Variants in TULP1 observed in about 807,000 individuals in gnomAD.
TULP1 encodes TUB like protein 1.
Under a neutral mutation model 67.1 loss-of-function variants are expected in TULP1, and 50 were observed. That is an observed-to-expected ratio of 0.75 (90% confidence interval 0.59 to 0.94). The LOEUF (loss-of-function observed/expected upper bound fraction) is 0.94, where lower values mean the gene tolerates loss of function less well. TULP1 is among the 40% of genes least tolerant of loss of function. TULP1 has a pLI of 0.00. For missense variants in TULP1, 746 were observed against 734.1 expected (o/e 1.02, Z -0.19); for synonymous variants, 297 against 294.0 (o/e 1.01, Z -0.11).
chr6:35,504,027 G>C, intron 11 of TULP1, 179 bp from the exon 12 acceptor site: 1 of 581,024 alleles, frequency 1.7e-6, no homozygotes, highest in South Asian at 2.0e-5. Flanking sequence ...TTTAAATGCT[G>C]GCCCAACCCA....
Position 35,509,331 on chromosome 6 carries a change from A to T in TULP1, c.719-19T>A, listed in dbSNP as rs281865170. 1.2e-6 allele frequency: 2 copies of T among 1,612,246 alleles called. No individual in the cohort carries two copies. Among genetic ancestry groups the T allele is most frequent in the South Asian group, 1.1e-5 (1 of 91,032 alleles). On this transcript the variant is annotated intron_variant, in intron 7 of 14. Coordinates refer to ENST00000229771, the MANE Select transcript of TULP1 (RefSeq NM_003322.6). ...GGAGTGCCTGAGCGTGGAGGGGGAA[A>T]CAAGGCTGTGAACTCCTCACCCTGG...
chr6:35,509,274 C>T lies in TULP1; in HGVS notation c.757G>A (p.Glu253Lys). The T allele has an allele frequency of 6.2e-7, 1 of 1,614,046 alleles. No individual in the cohort carries two copies. Among genetic ancestry groups the T allele is most frequent in the Non-Finnish European group, 8.5e-7 (1 of 1,179,944 alleles). Residue 253 changes from glutamate to lysine, a missense_variant, in exon 8 of 15, where the codon GAG becomes AAG. Physicochemically the swap from Glu to Lys is moderately conservative, Grantham distance 56 (BLOSUM62 1). Coordinates refer to ENST00000229771, the MANE Select transcript of TULP1 (RefSeq NM_003322.6). ...KGARKEEEEE[E>K]EAATVIKKSN... ...TTCTTTATCACCGTAGCTGCCTCCT[C>T]CTCCTCTTCTTCCTCCTTCCTCGCG...
chr6:35,499,407 C>A, intron 14 of TULP1, among the ~76,000 whole-genome samples: 1 of 152,220 alleles, frequency 6.6e-6, no homozygotes, highest in East Asian at 1.9e-4. Flanking sequence ...AGTTGCTTAA[C>A]CTCTCTGTGC....
At chr6:35,508,364 C>T (rs1372265630) in intron 8 of TULP1, among the ~76,000 whole-genome samples, 1 of 152,254 alleles carries the variant, frequency 6.6e-6, no homozygotes, top group Non-Finnish European at 1.5e-5. Context: ...CAGTTACATT[C>T]CCCTCTGGGA....
At position 35,503,892 on chromosome 6, in the gene TULP1, C is replaced by T. The variant is rs2395627; in HGVS notation, c.1113-44G>A. 0.026 allele frequency: 38,431 copies of T among 1,476,538 alleles called. 608 individuals carry two copies. The highest frequency in any genetic ancestry group is 0.045 in the African/African-American group (3,237 of 72,132). 91.5% of individuals were successfully genotyped at this position (1,476,538 alleles called of 1,614,324 possible). A position where few individuals can be genotyped will look rare whatever the true frequency, so the allele number is the denominator to read the frequency against. ...TTGGGGTGGGGCTGAGGGGATCCTA[C>T]ATCCCTGCCCCAGGCCCCTTCCACA... On this transcript the variant is annotated intron_variant, in intron 11 of 14. Transcript: ENST00000229771. This position sits in a 1 kb window ranked among gnomAD's most constrained non-coding sequence, Gnocchi z 4.0.
In TULP1 at chr6:35,512,664, G is replaced by C. The variant is rs761981623; in HGVS notation, c.74C>G (p.Pro25Arg). 8.7e-6 allele frequency: 14 copies of C among 1,613,896 alleles called. No homozygotes were observed. The highest frequency in any genetic ancestry group is 1.1e-5 in the South Asian group (1 of 91,078). Residue 25 changes from proline to arginine, a missense_variant, in exon 2 of 15, where the codon CCG becomes CGG. Pro to Arg is a moderately radical substitution (Grantham distance 103). Around this residue, in one of 3 missense-constraint regions of TULP1, gnomAD observed 359 missense variants for 341.9 expected, o/e 1.05. Coordinates refer to ENST00000229771, the MANE Select transcript of TULP1 (RefSeq NM_003322.6). ...CTGTTTGGGGCGCCGCGGGGCCTCC[G>C]GGCTCAGGCTTTCTTCTTCATGCCC... ...DSGHEEESLS[P>R]EAPRRPKQRP...
rs568203604 is a variant in TULP1, at chr6:35,505,626, C to T, written c.1112+115G>A. On this transcript the variant is annotated intron_variant, in intron 11 of 14. Transcript: ENST00000229771. ...AAGCGAGAGGCCCTAGGCTAGGGGA[C>T]GTTTCCAGGGTGCCCACTGTGGTGG... 4.4e-5 allele frequency: 68 copies of T among 1,552,278 alleles called. No homozygotes were observed. The South Asian group carries it at 5.7e-4, about 13-fold the overall frequency.
intron 8 of TULP1, among the ~76,000 whole-genome samples, chr6:35,507,797 T>C (rs1463425510): frequency 1.3e-5 from 2 of 152,142 alleles, no homozygotes; most frequent in Non-Finnish European, 2.9e-5. Context: ...TGTGCTGTGG[T>C]TGGCCATTTT....
intron 11 of TULP1, chr6:35,505,450 C>G: frequency 3.2e-6 from 2 of 630,586 alleles, no homozygotes; most frequent in Non-Finnish European, 5.4e-6. Context: ...ACAGTGCCTG[C>G]CCTCGTGGAA....
intron 7 of TULP1, 103 bp downstream of exon 7, chr6:35,509,531 A>G (rs1198777442): frequency 2.3e-6 from 3 of 1,281,148 alleles, no homozygotes; most frequent in Non-Finnish European, 3.4e-6. Flanking sequence ...AGACCTGGCA[A>G]ACTCCTTACC....
At chr6:35,499,921 T>A in intron 14 of TULP1, 60 bp downstream of exon 14, 1 of 1,599,006 alleles carries the variant, frequency 6.3e-7, no homozygotes, top group Non-Finnish European at 8.6e-7. Context: ...GGAGCTTGAA[T>A]GAAGGTCAGC....
At chr6:35,507,034 G>T (rs947151865) in intron 8 of TULP1, among the ~76,000 whole-genome samples, 22 of 151,964 alleles carry the variant, frequency 1.4e-4, no homozygotes, top group Non-Finnish European at 2.9e-4. Flanking sequence ...CCTTTGTGTA[G>T]TCTCCTCCCA....
chr6:35,503,335 T>A lies in TULP1; in HGVS notation c.1323+224A>T. 1 of 574,286 alleles carries A rather than the reference T, an allele frequency of 1.7e-6. No individual in the cohort carries two copies. The highest frequency in any genetic ancestry group is 3.0e-5 in the East Asian group (1 of 33,844). The allele number at this position is 574,286 out of a possible 1,614,324, so 35.6% of individuals were successfully genotyped here. On this transcript the variant is annotated intron_variant, in intron 13 of 14. Coordinates refer to ENST00000229771, the MANE Select transcript of TULP1 (RefSeq NM_003322.6). This position sits in a 1 kb window ranked among gnomAD's most constrained non-coding sequence, Gnocchi z 4.0. ...TGTGGTCAATGAAGATATGAATGGATGTAATATATGAATTTGATGTAAACT... is the reference window on the plus strand; with the variant it reads ...TGTGGTCAATGAAGATATGAATGGAAGTAATATATGAATTTGATGTAAACT...
intron 10 of TULP1, 38 bp downstream of exon 10, chr6:35,505,965 C>T (rs1761072803): frequency 1.2e-6 from 2 of 1,614,068 alleles, no homozygotes; most frequent in Middle Eastern, 1.6e-4. Context: ...ATGCCGGATC[C>T]CTCCACACTC....
Position 35,509,221 on chromosome 6 carries a change from T to G in TULP1, c.810A>C (p.Gly270=). ...TCTGGGCCCCAACCTTTTTGCCTTT[T>G]CCTTTGGCTTTGCCCTTTTGATTGC... ...KKSNQKGKAK[G]KGKKKAKEER... is the part of the protein sequence containing the mutation. The change falls in exon 8 of 15, where the codon GGA becomes GGC. Residue 270 remains glycine (G), a synonymous_variant. Transcript: ENST00000229771. The G allele has an allele frequency of 6.2e-7, 1 of 1,614,024 alleles. No individual in the cohort carries two copies. Among genetic ancestry groups the G allele is most frequent in the Non-Finnish European group, 8.5e-7 (1 of 1,179,948 alleles).
At chr6:35,504,261 C>A (rs890148867) in intron 11 of TULP1, 11 of 238,474 alleles carry the variant, frequency 4.6e-5, no homozygotes, top group Admixed American at 1.0e-4. Flanking sequence ...ATCACTTGAG[C>A]CTGGGAGGTC....
chr6:35,511,919 A>C, intron 3 of TULP1, 113 bp from the exon 4 acceptor site: 2 of 1,216,504 alleles, frequency 1.6e-6, no homozygotes, highest in Non-Finnish European at 1.1e-6. Context: ...CACCCTAGGG[A>C]TCTCCCCTGG....
At position 35,512,221 on chromosome 6, in the gene TULP1, T is replaced by C; in HGVS notation, c.149A>G (p.Glu50Gly). 7.3e-7 allele frequency: 1 copy of C among 1,366,736 alleles called. No individual in the cohort carries two copies. The highest frequency in any genetic ancestry group is 9.4e-7 in the Non-Finnish European group (1 of 1,059,154). 84.7% of individuals were successfully genotyped at this position (1,366,736 alleles called of 1,614,324 possible). Residue 50 changes from glutamate (E) to glycine (G), a missense_variant, in exon 3 of 15, where the codon GAA becomes GGA. By Grantham distance (98) the Glu-to-Gly change is moderately conservative. Coordinates refer to ENST00000229771, the MANE Select transcript of TULP1 (RefSeq NM_003322.6). ...CTTGGATCCCGTGGGGCAGGGGGATTCGGGGGCCTCCGTCCTCTTCTTCCT... is the reference window on the plus strand; with the variant it reads ...CTTGGATCCCGTGGGGCAGGGGGATCCGGGGGCCTCCGTCCTCTTCTTCCT... Reference protein sequence around the residue: ...RLRKKRTEAPESPCPTGSKPR... With the variant: ...RLRKKRTEAPGSPCPTGSKPR...
At chr6:35,512,326 G>T in intron 2 of TULP1, 56 bp from the exon 3 acceptor site, 2 of 890,308 alleles carry the variant, frequency 2.2e-6, no homozygotes, top group Non-Finnish European at 3.3e-6. Flanking sequence ...GCTGAGGCCC[G>T]CCCATCCCCC....
Sources: gnomAD v4.1 joint callset for allele counts (sites outside exome capture counted in the v4.1 genomes callset) on GRCh38, gnomAD v4.1.1 for gene constraint, gnomAD v4.1.1 regional missense constraint, Gnocchi (gnomAD v3.1) non-coding constraint, MANE v1.5 for transcripts, NCBI Gene and HGNC (gene_info 2026-07-23, HGNC 2026-07-21) for gene names.